The following CRX variants were observed in gnomAD, a reference collection of about 807,000 sequenced individuals.
CRX encodes cone-rod homeobox, also known as cone-rod homeobox protein.
A neutral mutation model predicts 13.1 loss-of-function variants in CRX; 5 were observed. The observed-to-expected ratio is 0.38, with a 90% CI of 0.20 to 0.80. The LOEUF is 0.80. Ranked by LOEUF, CRX falls within the 30% of genes least tolerant of loss-of-function variation. The pLI is 0.43. For missense variants in CRX, 351 were observed against 391.8 expected (o/e 0.90, Z 0.88); for synonymous variants, 179 against 171.1 (o/e 1.05, Z -0.36).
chr19:47,835,841 T>C (rs1330299488), intron 2 of CRX, among the ~76,000 whole-genome samples: 1 of 151,810 alleles, frequency 6.6e-6, no homozygotes, highest in African/African-American at 2.4e-5. Flanking sequence ...CAGGATAGTC[T>C]CAATTTCTTG....
intron 3 of CRX, among the ~76,000 whole-genome samples, chr19:47,837,248 C>T (rs1209802478): frequency 1.3e-5 from 2 of 152,140 alleles, no homozygotes; most frequent in African/African-American, 2.4e-5. Flanking sequence ...CTCACTGCAA[C>T]CTCCGCCTCC....
chr19:47,823,632 G>A (rs1358790954), intron 1 of CRX, among the ~76,000 whole-genome samples: 1 of 150,830 alleles, frequency 6.6e-6, no homozygotes, highest in Non-Finnish European at 1.5e-5. Flanking sequence ...GGGCTGGCAT[G>A]AAGCCACATG....
chr19:47,834,615 C>A, intron 2 of CRX, 72 bp downstream of exon 2: 1 of 1,303,174 alleles, frequency 7.7e-7, no homozygotes, highest in Non-Finnish European at 1.1e-6. Flanking sequence ...GTCCCTTTGC[C>A]CCCAGGAAGA....
chr19:47,823,327 A>G lies in CRX; in HGVS notation c.-36+1317A>G, dbSNP rs373172250. On this transcript the variant is annotated intron_variant, in intron 1 of 3. Coordinates refer to ENST00000221996, the MANE Select transcript of CRX (RefSeq NM_000554.6). ...GGAGGTGTGATGCGGTTTTCCCAAA[A>G]GGAACGAGCGAGGGCTGTGATTGCC... Among the ~76,000 whole-genome samples, 84 of 152,306 alleles carry G rather than the reference A, an allele frequency of 5.5e-4. 2 individuals are homozygous for G. In the South Asian group the frequency reaches 0.017, roughly 31 times the overall value.
intron 2 of CRX, among the ~76,000 whole-genome samples, chr19:47,835,180 G>C (rs73574787): frequency 0.22 from 33,708 of 151,152 alleles, 4,075 homozygotes; most frequent in Middle Eastern, 0.35. Flanking sequence ...AGTTTTTGTA[G>C]ATTTTGCAGG....
In CRX at chr19:47,836,526, C is replaced by T. The variant is rs149388936; in HGVS notation, c.252+132C>T. ...AAAGTTATAAAGGGGACAATAATCC[C>T]TCTCCCCACCATCCCACTGACCGCC... On this transcript the variant is annotated intron_variant, in intron 3 of 3. Transcript: ENST00000221996. The T allele has an allele frequency of 1.5e-4, 184 of 1,213,434 alleles. No homozygotes were observed. The East Asian group carries it at 4.2e-3, about 28-fold the overall frequency. The allele number at this position is 1,213,434 out of a possible 1,614,324, so 75.2% of individuals were successfully genotyped here. A position where few individuals can be genotyped will look rare whatever the true frequency, so the allele number is the denominator to read the frequency against.
intron 1 of CRX, among the ~76,000 whole-genome samples, chr19:47,833,292 T>C (rs1968077197): frequency 6.6e-6 from 1 of 151,154 alleles, no homozygotes; most frequent in Non-Finnish European, 1.5e-5. Context: ...TTGTTTTGTT[T>C]TGTTTTTGAG....
At position 47,840,894 on chromosome 19, in the gene CRX, A is replaced by G. The variant is rs1968188617; in HGVS notation, c.*927A>G. 1 of 150,120 alleles carries G rather than the reference A, an allele frequency of 6.7e-6. No homozygotes were observed. The highest frequency in any genetic ancestry group is 2.1e-4 in the South Asian group (1 of 4,760). 9.3% of individuals were successfully genotyped at this position (150,120 alleles called of 1,614,324 possible). A position where few individuals can be genotyped will look rare whatever the true frequency, so the allele number is the denominator to read the frequency against. ...ATGCCCGGCTAATTTTTCTATTATT[A>G]GTAGAGACAGGGTTTTACCATGTTG... On this transcript the variant is annotated 3_prime_UTR_variant, in exon 4 of 4. Transcript: ENST00000221996.
chr19:47,830,117 C>T (rs1968025630), intron 1 of CRX, among the ~76,000 whole-genome samples: 1 of 148,082 alleles, frequency 6.8e-6, no homozygotes, highest in Non-Finnish European at 1.5e-5. Context: ...TTCACAAACA[C>T]TTATTGTCAA....
intron 1 of CRX, among the ~76,000 whole-genome samples, chr19:47,827,405 AT>A (rs369150093): frequency 0.12 from 16,545 of 141,178 alleles, 1,220 homozygotes; most frequent in Non-Finnish European, 0.17. Context: ...TGTTTTTTTA[AT>A]TTTTTTTTTT....
intron 1 of CRX, among the ~76,000 whole-genome samples, chr19:47,831,327 A>G (rs1372618172): frequency 6.8e-6 from 1 of 146,516 alleles, no homozygotes; most frequent in Non-Finnish European, 1.5e-5. Context: ...AAAAAAAAAA[A>G]GAATAGTAAA....
intron 2 of CRX, 89 bp downstream of exon 2, chr19:47,834,632 T>C (rs1239763145): frequency 1.9e-6 from 2 of 1,030,580 alleles, no homozygotes; most frequent in Admixed American, 2.0e-5. Context: ...AAGAAGGCAA[T>C]CACAGGGGCG....
At chr19:47,826,893 G>A (rs989779023) in intron 1 of CRX, among the ~76,000 whole-genome samples, 1 of 152,206 alleles carries the variant, frequency 6.6e-6, no homozygotes, top group Non-Finnish European at 1.5e-5. Context: ...GTCACTTAAT[G>A]GCTTGGCTGA....
At chr19:47,825,872 A>G (rs528849596) in intron 1 of CRX, among the ~76,000 whole-genome samples, 143 of 152,226 alleles carry the variant, frequency 9.4e-4, no homozygotes, top group African/African-American at 2.3e-3. Flanking sequence ...CAGTGAGCCA[A>G]GATTGCGCCA....
chr19:47,837,759 T>C (rs111074823), intron 3 of CRX, among the ~76,000 whole-genome samples: 6,224 of 152,128 alleles, frequency 0.041, 402 homozygotes, highest in African/African-American at 0.14. Flanking sequence ...ATGTATAAGA[T>C]GGATGAATCT....
At chr19:47,836,097 G>A in intron 2 of CRX, 146 bp from the exon 3 acceptor site, 1 of 969,606 alleles carries the variant, frequency 1.0e-6, no homozygotes, top group Non-Finnish European at 1.6e-6. Context: ...CACACAGTGA[G>A]GTGTAGAAGG....
In CRX at chr19:47,840,021, A is replaced by T; in HGVS notation, c.*54A>T. The T allele has an allele frequency of 6.3e-7, 1 of 1,599,466 alleles. No homozygotes were observed. The highest frequency in any genetic ancestry group is 1.7e-5 in the Admixed American group (1 of 59,910). ...GGCCTCGGGACCCTTTCTCTTCTGA[A>T]TCTGCTTCCCTGCAGTTTAGATCCC... On this transcript the variant is annotated 3_prime_UTR_variant, in exon 4 of 4. Transcript: ENST00000221996.
rs10418834 is a variant in CRX at position 47,841,422 on chromosome 19, T to A, written c.*1455T>A. The stretch of plus-strand genomic sequence containing the variant: ...ACACTGGTGGAACTGGGGTAGCTGC[T>A]TGGGACGTACCACCTATAGTTGTGG... On this transcript the variant is annotated 3_prime_UTR_variant, in exon 4 of 4. Coordinates refer to ENST00000221996, the MANE Select transcript of CRX (RefSeq NM_000554.6). 0.68 allele frequency: 102,575 copies of A among 151,940 alleles called. 36,160 individuals are homozygous for A. Among genetic ancestry groups the A allele is most frequent in the African/African-American group, 0.83 (34,497 of 41,456 alleles). 9.4% of individuals were successfully genotyped at this position (151,940 alleles called of 1,614,324 possible).
Position 47,836,345 on chromosome 19 carries a change from C to T in CRX, c.203C>T (p.Ala68Val), listed in dbSNP as rs145649717. The T allele has an allele frequency of 4.2e-5, 67 of 1,614,196 alleles. No homozygotes were observed. The African/African-American group carries it at 7.7e-4, about 19-fold the overall frequency. ...FAKTQYPDVY[A>V]REEVALKINL... The stretch of plus-strand genomic sequence containing the variant: ...AAGACCCAGTACCCAGACGTCTATG[C>T]CCGTGAGGAGGTGGCTCTGAAGATC... The change falls in exon 3 of 4, where the codon GCC becomes GTC. Residue 68 changes from alanine (A) to valine (V), a missense_variant. By Grantham distance (64) the Ala-to-Val change is moderately conservative. This residue lies in a region of CRX where 95 missense variants were observed against 106.7 expected (regional missense o/e 0.89). Transcript: ENST00000221996.
Sources: allele counts gnomAD v4.1 joint callset (sites outside exome capture counted in the v4.1 genomes callset), GRCh38; gene constraint gnomAD v4.1.1; regional missense constraint gnomAD v4.1.1; transcripts MANE v1.5; gene names NCBI Gene and HGNC (gene_info 2026-07-23, HGNC 2026-07-21).